FBXL7: variants seen among roughly 807,000 people sequenced by gnomAD.
The protein encoded by FBXL7 is F-box and leucine rich repeat protein 7.
In FBXL7, 12 loss-of-function variants were observed where a neutral mutation model predicts 38.3. The observed-to-expected ratio is 0.31, with a 90% CI of 0.20 to 0.51. The LOEUF is 0.51. Among genes scored for constraint, FBXL7 ranks in the 20% least tolerant of loss-of-function variants. FBXL7 has a pLI of 0.98. For missense variants in FBXL7, 567 were observed against 676.4 expected, an observed-to-expected ratio of 0.84 and a Z score of 1.79; for synonymous variants, 297 against 300.9, an observed-to-expected ratio of 0.99 and a Z score of 0.13.
intron 1 of FBXL7, among the ~76,000 whole-genome samples, chr5:15,542,094 G>A (rs978126961): frequency 6.6e-6 from 1 of 151,936 alleles, no homozygotes; most frequent in South Asian, 2.1e-4. Flanking sequence ...GACTCATTTG[G>A]TGTCAGGTAA....
At chr5:15,549,521 A>G (rs770897148) in intron 1 of FBXL7, among the ~76,000 whole-genome samples, 5 of 152,148 alleles carry the variant, frequency 3.3e-5, no homozygotes, top group South Asian at 2.1e-4. Context: ...TTAAAATCCT[A>G]TTGATGAGAG....
At chr5:15,684,753 A>G (rs1297846513) in intron 2 of FBXL7, among the ~76,000 whole-genome samples, 2 of 152,208 alleles carry the variant, frequency 1.3e-5, no homozygotes, top group Admixed American at 1.3e-4. Context: ...AGCTTTAAAA[A>G]TGGAGAAGGG....
intron 2 of FBXL7, among the ~76,000 whole-genome samples, chr5:15,717,404 T>C (rs1251143057): frequency 6.6e-6 from 1 of 152,224 alleles, no homozygotes; most frequent in African/African-American, 2.4e-5. Context: ...ATTCGAAAGA[T>C]GTTCAGTTAA....
chr5:15,753,171 ACACT>A (rs1403338281), intron 2 of FBXL7, among the ~76,000 whole-genome samples: 1 of 152,060 alleles, frequency 6.6e-6, no homozygotes, highest in East Asian at 1.9e-4. Context: ...TCTCTAGGAC[ACACT>A]CTCTCTTTTT....
At chr5:15,641,941 T>TTGTGTGTGTGTGTGTG (rs199980981) in intron 2 of FBXL7, among the ~76,000 whole-genome samples, 1 of 141,522 alleles carries the variant, frequency 7.1e-6, no homozygotes, top group African/African-American at 2.6e-5. Flanking sequence ...ACATAAAACC[T>TTGTGTGTGTGTGTGTG]TGTGTGTGTG....
intron 2 of FBXL7, among the ~76,000 whole-genome samples, chr5:15,831,559 C>A (rs75775092): frequency 1.3e-5 from 2 of 152,116 alleles, no homozygotes. Flanking sequence ...TAGGACATGA[C>A]CCTGTTAAGC....
chr5:15,563,717 T>C (rs1457335200), intron 1 of FBXL7, among the ~76,000 whole-genome samples: 1 of 152,072 alleles, frequency 6.6e-6, no homozygotes, highest in Non-Finnish European at 1.5e-5. Context: ...CCTGTTGGGC[T>C]GATGTTTTGG....
At chr5:15,731,962 T>C (rs1735599399) in intron 2 of FBXL7, among the ~76,000 whole-genome samples, 2 of 152,160 alleles carry the variant, frequency 1.3e-5, no homozygotes, top group Non-Finnish European at 2.9e-5. Flanking sequence ...AACAAAGTTA[T>C]CTCTGTCCAG....
At chr5:15,901,744 GCA>G (rs1741238652) in intron 2 of FBXL7, among the ~76,000 whole-genome samples, 1 of 152,144 alleles carries the variant, frequency 6.6e-6, no homozygotes, top group African/African-American at 2.4e-5. Context: ...TTCATACATA[GCA>G]CAGTGCACTA....
At chr5:15,754,365 G>A (rs1447992744) in intron 2 of FBXL7, among the ~76,000 whole-genome samples, 1 of 152,182 alleles carries the variant, frequency 6.6e-6, no homozygotes, top group Admixed American at 6.5e-5. Flanking sequence ...CCAAATATTA[G>A]CAGTATCTCT....
chr5:15,545,888 G>A (rs1737880627), intron 1 of FBXL7, among the ~76,000 whole-genome samples: 1 of 152,162 alleles, frequency 6.6e-6, no homozygotes, highest in African/African-American at 2.4e-5. Context: ...TGAATGTTGG[G>A]TAGAGTTGAC....
At chr5:15,617,426 T>C (rs1261174502) in intron 2 of FBXL7, among the ~76,000 whole-genome samples, 3 of 7,978 alleles carry the variant, frequency 3.8e-4, no homozygotes, top group East Asian at 2.3e-3. Flanking sequence ...TCTAGACATT[T>C]ATTTATTTAT....
intron 2 of FBXL7, among the ~76,000 whole-genome samples, chr5:15,721,099 A>C (rs1462925198): frequency 1.3e-5 from 2 of 152,220 alleles, no homozygotes; most frequent in Non-Finnish European, 2.9e-5. Context: ...CAAAAGTTGT[A>C]AATGCTTGAT....
At chr5:15,901,610 T>A (rs1366608578) in intron 2 of FBXL7, among the ~76,000 whole-genome samples, 1 of 152,178 alleles carries the variant, frequency 6.6e-6, no homozygotes, top group African/African-American at 2.4e-5. Context: ...CCACAAGACA[T>A]TAGAACAAAC....
chr5:15,571,174 T>C (rs1345273738), intron 1 of FBXL7, among the ~76,000 whole-genome samples: 3 of 152,134 alleles, frequency 2.0e-5, no homozygotes, highest in African/African-American at 7.2e-5. Flanking sequence ...ACAAGTGGAT[T>C]CTGAAATCAT....
At chr5:15,762,544 A>G (rs1736477229) in intron 2 of FBXL7, among the ~76,000 whole-genome samples, 1 of 152,152 alleles carries the variant, frequency 6.6e-6, no homozygotes, top group Non-Finnish European at 1.5e-5. Flanking sequence ...GCTACTTAAT[A>G]TTATTAGCTC....
intron 2 of FBXL7, among the ~76,000 whole-genome samples, chr5:15,769,031 A>T (rs1736663437): frequency 6.6e-6 from 1 of 152,208 alleles, no homozygotes; most frequent in Non-Finnish European, 1.5e-5. Context: ...TGCCAAAGTC[A>T]TACATTGTCC....
chr5:15,655,363 G>A (rs1047572838), intron 2 of FBXL7, among the ~76,000 whole-genome samples: 1 of 151,914 alleles, frequency 6.6e-6, no homozygotes, highest in Non-Finnish European at 1.5e-5. Context: ...GTGCATGGTG[G>A]CACACACTTG....
intron 2 of FBXL7, among the ~76,000 whole-genome samples, chr5:15,680,594 AAGATG>A (rs199639406): frequency 0.013 from 2,036 of 152,260 alleles, 41 homozygotes; most frequent in African/African-American, 0.047. Flanking sequence ...AACAACTGTA[AAGATG>A]AGATGTCAGC....
Sources: gnomAD v4.1 joint callset for allele counts (sites outside exome capture counted in the v4.1 genomes callset) on GRCh38, gnomAD v4.1.1 for gene constraint, MANE v1.5 for transcripts, NCBI Gene and HGNC (gene_info 2026-07-23, HGNC 2026-07-21) for gene names.